Variants in CNGB1 observed in about 807,000 individuals in gnomAD.
The protein encoded by CNGB1 is cyclic nucleotide-gated channel beta-1.
Under a neutral mutation model 151.7 loss-of-function variants are expected in CNGB1, and 126 were observed. The observed-to-expected ratio is 0.83, with a 90% CI of 0.72 to 0.96. The LOEUF (loss-of-function observed/expected upper bound fraction) is 0.96, where lower values mean the gene tolerates loss of function less well. Among genes scored for constraint, CNGB1 ranks in the 40% least tolerant of loss-of-function variants. The probability of loss-of-function intolerance (pLI) is 0.00; values close to 1 mark genes in which losing one functional copy is unlikely to be tolerated. For synonymous variants in CNGB1, 623 were observed against 635.1 expected (o/e 0.98, Z 0.29); for missense variants, 1,698 against 1,627.0 (o/e 1.04, Z -0.75).
rs1220653622 is a variant in CNGB1, at chr16:57,964,042, AT to A, written c.290+87del. On this transcript the variant is annotated intron_variant, in intron 4 of 32. Coordinates refer to ENST00000251102, the MANE Select transcript of CNGB1 (RefSeq NM_001297.5). The stretch of plus-strand genomic sequence containing the variant: ...GACAGCAGAGCTAAGGGCAGTGCCC[AT>A]CCCCACCCCCATCCCCAGGGCTCCC... 3.9e-6 allele frequency: 5 copies of A among 1,275,220 alleles called. No homozygotes were observed. In the East Asian group the frequency reaches 1.2e-4, roughly 30 times the overall value. The allele number at this position is 1,275,220 out of a possible 1,614,324, so 79.0% of individuals were successfully genotyped here.
intron 31 of CNGB1, among the ~76,000 whole-genome samples, chr16:57,892,285 A>G (rs1035017155): frequency 6.6e-6 from 1 of 152,096 alleles, no homozygotes; most frequent in Non-Finnish European, 1.5e-5. Context: ...TTCAGTGAGG[A>G]GGCGAATTTG....
At position 57,960,794 on chromosome 16, in the gene CNGB1, GC is replaced by G. The variant is rs755492465; in HGVS notation, c.534+45del. The G allele has an allele frequency of 3.1e-6, 5 of 1,589,972 alleles. 1 individual carries two copies. The South Asian group carries it at 3.4e-5, about 11-fold the overall frequency. Reference sequence around the variant, plus strand: ...GGCAGTCCCTCCTGGGGCCCCAGAAGCCCCCCCATATACTCAACTCCCTGCC... The same window carrying G: ...GGCAGTCCCTCCTGGGGCCCCAGAAGCCCCCCATATACTCAACTCCCTGCC... On this transcript the variant is annotated intron_variant, in intron 8 of 32. Transcript: ENST00000251102.
intron 32 of CNGB1, among the ~76,000 whole-genome samples, 193 bp downstream of exon 32, chr16:57,887,662 C>T (rs1161864654): frequency 6.6e-6 from 1 of 152,190 alleles, no homozygotes; most frequent in East Asian, 1.9e-4. Flanking sequence ...GATTACGTGA[C>T]CCCTAATTCC....
chr16:57,961,667 T>C (rs1397206515), intron 7 of CNGB1, among the ~76,000 whole-genome samples: 1 of 150,932 alleles, frequency 6.6e-6, no homozygotes, highest in Non-Finnish European at 1.5e-5. Flanking sequence ...AATGAATGAA[T>C]GAGTGAATGA....
At chr16:57,942,232 A>C (rs892056919) in intron 14 of CNGB1, among the ~76,000 whole-genome samples, 13 of 152,176 alleles carry the variant, frequency 8.5e-5, no homozygotes, top group East Asian at 1.9e-4. Flanking sequence ...GGCTAGAGCA[A>C]TTAGGCAAGA....
At chr16:57,930,598 AAAG>A (rs1279355207) in intron 17 of CNGB1, among the ~76,000 whole-genome samples, 4 of 151,812 alleles carry the variant, frequency 2.6e-5, no homozygotes, top group Non-Finnish European at 5.9e-5. Context: ...AGGAAGGAAA[AAAG>A]AAAAGAAAAT....
Position 57,887,937 on chromosome 16 carries a change from C to T in CNGB1, c.3380G>A (p.Gly1127Asp). ...CCGGGCCCGGAGGTGAGCAAGTTTG[C>T]CGCCTTTTGCCCCCTTGCCACCCAT... ...GKMGGKGAKG[G>D]KLAHLRARLK... Residue 1127 changes from glycine to aspartate, a missense_variant, in exon 32 of 33, where the codon GGC becomes GAC. Transcript: ENST00000251102. The T allele has an allele frequency of 3.1e-6, 5 of 1,614,226 alleles. No individual in the cohort carries two copies. The highest frequency in any genetic ancestry group is 2.2e-5 in the South Asian group (2 of 91,088).
intron 9 of CNGB1, among the ~76,000 whole-genome samples, 165 bp downstream of exon 9, chr16:57,960,317 G>A (rs1378520178): frequency 1.3e-5 from 2 of 152,154 alleles, no homozygotes; most frequent in Non-Finnish European, 2.9e-5. Flanking sequence ...CTGGGGAGGG[G>A]ATTCTGGTGT....
intron 18 of CNGB1, among the ~76,000 whole-genome samples, chr16:57,921,644 G>A (rs556496922): frequency 1.3e-5 from 2 of 152,284 alleles, no homozygotes; most frequent in East Asian, 1.9e-4. Context: ...CAGGGATCAC[G>A]TGCCAGGCTC....
chr16:57,947,038 G>A (rs1961827418), intron 14 of CNGB1, among the ~76,000 whole-genome samples: 1 of 152,222 alleles, frequency 6.6e-6, no homozygotes, highest in African/African-American at 2.4e-5. Flanking sequence ...TGCTGCCTGT[G>A]CTTGTGCATA....
In CNGB1 at chr16:57,919,202, G is replaced by C; in HGVS notation, c.1854C>G (p.Ala618=). 6.2e-7 allele frequency: 1 copy of C among 1,614,172 alleles called. No individual in the cohort carries two copies. The highest frequency in any genetic ancestry group is 8.5e-7 in the Non-Finnish European group (1 of 1,180,032). Residue 618 remains alanine, a synonymous_variant, in exon 20 of 33, where the codon GCC becomes GCG. Transcript: ENST00000251102. The part of the protein sequence containing the change: ...EPAPDTKPAE[A]EPVEEEHYCD... ...AATAGTGCTCCTCTTCCACTGGCTC[G>C]GCTTCAGCGGGCTTTGTGTCTGGAG...
At chr16:57,958,381 G>GCCCCCT in intron 11 of CNGB1, 29 bp downstream of exon 11, 1 of 1,457,930 alleles carries the variant, frequency 6.9e-7, no homozygotes, top group Non-Finnish European at 9.1e-7. Flanking sequence ...CCACCACCAG[G>GCCCCCT]GCCACCACTC....
At chr16:57,970,280 C>T (rs1962507269) in intron 1 of CNGB1, among the ~76,000 whole-genome samples, 3 of 152,264 alleles carry the variant, frequency 2.0e-5, no homozygotes, top group African/African-American at 7.2e-5. Flanking sequence ...TTTCACTGAC[C>T]CCAGCCAGCC....
chr16:57,949,525 C>T, intron 13 of CNGB1, 86 bp from the exon 14 acceptor site: 1 of 1,596,182 alleles, frequency 6.3e-7, no homozygotes, highest in South Asian at 1.1e-5. Context: ...TGTAGGATGT[C>T]CCATGACACC....
At chr16:57,887,781 T>C (rs1373348108) in intron 32 of CNGB1, 74 bp downstream of exon 32, 1 of 1,428,156 alleles carries the variant, frequency 7.0e-7, no homozygotes, top group African/African-American at 1.4e-5. Flanking sequence ...TGTGGCCCAC[T>C]CTTGGAGACC....
chr16:57,906,852 C>G (rs778931851), intron 25 of CNGB1, among the ~76,000 whole-genome samples: 33 of 152,278 alleles, frequency 2.2e-4, no homozygotes, highest in Non-Finnish European at 3.8e-4. Flanking sequence ...TCTCCTTGTC[C>G]TTGTCTGTGG....
Position 57,962,565 on chromosome 16 carries a change from C to G in CNGB1, c.458G>C (p.Arg153Thr). The G allele has an allele frequency of 6.2e-7, 1 of 1,613,538 alleles. No individual in the cohort carries two copies. Among genetic ancestry groups the G allele is most frequent in the Non-Finnish European group, 8.5e-7 (1 of 1,179,440 alleles). ...GTGACACTCAGGGATAGGGACTCAC[C>G]TAGTGTCTTGGGCCTCAAGGGCCTC... ...PNEALEAQDT[R>T]PGLRLLLWLE... Residue 153 changes from arginine (R) to threonine (T), a missense_variant and splice_region_variant, in exon 7 of 33, where the codon AGG becomes ACG. Coordinates refer to ENST00000251102, the MANE Select transcript of CNGB1 (RefSeq NM_001297.5).
chr16:57,939,096 GGGAGGGGCTGGTTA>G (rs1961590002), intron 16 of CNGB1, among the ~76,000 whole-genome samples: 1 of 152,098 alleles, frequency 6.6e-6, no homozygotes, highest in African/African-American at 2.4e-5. Context: ...GGGACTGGCT[GGGAGGGGCTGGTTA>G]GGAGGGGCCT....
intron 9 of CNGB1, 24 bp downstream of exon 9, chr16:57,960,458 C>T: frequency 1.2e-6 from 2 of 1,611,994 alleles, no homozygotes; most frequent in Non-Finnish European, 1.7e-6. Context: ...CAGGCAGCCC[C>T]CTCCCGAGCT....
Sources: allele counts gnomAD v4.1 joint callset (sites outside exome capture counted in the v4.1 genomes callset), GRCh38; gene constraint gnomAD v4.1.1; transcripts MANE v1.5; gene names NCBI Gene and HGNC (gene_info 2026-07-23, HGNC 2026-07-21).